The following CNTNAP3 variants were observed in gnomAD, a reference collection of about 807,000 sequenced individuals.
CNTNAP3 encodes contactin-associated protein-like 3.
CNTNAP3 carries 36 observed loss-of-function variants against 92.1 expected under a neutral mutation model. The observed-to-expected ratio is 0.39, with a 90% CI of 0.30 to 0.52. The LOEUF (loss-of-function observed/expected upper bound fraction) is 0.52, where lower values mean the gene tolerates loss of function less well. Ranked by LOEUF, CNTNAP3 falls within the 20% of genes least tolerant of loss-of-function variation. CNTNAP3 has a pLI of 0.76. For synonymous variants in CNTNAP3, 232 were observed against 422.3 expected (o/e 0.55, Z 5.53); for missense variants, 534 against 1,069.6 (o/e 0.50, Z 6.98).
intron 15 of CNTNAP3, chr9:39,106,638 G>A (rs1294483796): frequency 6.6e-6 from 1 of 152,160 alleles, no homozygotes; most frequent in African/African-American, 2.4e-5. Context: ...GAAGGTGAAT[G>A]ACATATCCTG....
At chr9:39,120,081 C>A (rs920719814) in intron 13 of CNTNAP3, among the ~76,000 whole-genome samples, 1 of 152,034 alleles carries the variant, frequency 6.6e-6, no homozygotes, top group African/African-American at 2.4e-5. Flanking sequence ...AAGACACAAA[C>A]CCAGAGATTT....
chr9:39,143,428 G>T (rs1821625693), intron 11 of CNTNAP3, among the ~76,000 whole-genome samples: 1 of 152,036 alleles, frequency 6.6e-6, no homozygotes, highest in Admixed American at 6.5e-5. Flanking sequence ...CCACCAATCA[G>T]GCATCCTGGA....
chr9:39,081,129 C>T (rs1825923140), intron 21 of CNTNAP3, among the ~76,000 whole-genome samples: 1 of 151,608 alleles, frequency 6.6e-6, no homozygotes, highest in South Asian at 2.1e-4. Context: ...CATTCCTTTG[C>T]CCACTCTGAA....
chr9:39,084,463 G>T (rs1356173466), intron 21 of CNTNAP3, among the ~76,000 whole-genome samples: 1 of 152,038 alleles, frequency 6.6e-6, no homozygotes, highest in African/African-American at 2.4e-5. Context: ...CAAAGTGCTG[G>T]GATTACAGGC....
At position 39,137,995 on chromosome 9, in the gene CNTNAP3, G is replaced by A. The variant is rs186114377; in HGVS notation, c.1876+2524C>T. On this transcript the variant is annotated intron_variant, in intron 12 of 23. Transcript: ENST00000297668. ...CCACCTCAGCCTCCCAAGTAGCTGG[G>A]ACTACAGATACATGTCACCATGCTG... Among the ~76,000 whole-genome samples, 11 of 151,694 alleles carry A rather than the reference G, an allele frequency of 7.3e-5. No homozygotes were observed. The East Asian group carries it at 1.9e-3, about 27-fold the overall frequency.
rs181242281 is a variant in CNTNAP3 at position 39,085,771 on chromosome 9, T to C, written c.3407A>G (p.Asn1136Ser). The C allele has an allele frequency of 9.6e-5, 150 of 1,568,846 alleles. 5 individuals carry two copies. Among genetic ancestry groups the C allele is most frequent in the Middle Eastern group, 4.6e-4 (2 of 4,326 alleles). The stretch of plus-strand genomic sequence containing the variant: ...TCCCAATATGAGAGATTTGACGGCG[T>C]TGAATTCTGTCCCTGAGGACAAGAT... ...QVILSSGTEFNAVKSLILGKV... is the reference protein window; with the variant it reads ...QVILSSGTEFSAVKSLILGKV... The change falls in exon 21 of 24, where the codon AAC becomes AGC. Residue 1136 changes from asparagine (N) to serine (S), a missense_variant. Asn to Ser is a conservative substitution (Grantham distance 46, BLOSUM62 1). Coordinates refer to ENST00000297668, the MANE Select transcript of CNTNAP3 (RefSeq NM_033655.5).
At chr9:39,075,669 T>G (rs1825743209) in intron 23 of CNTNAP3, among the ~76,000 whole-genome samples, 1 of 152,222 alleles carries the variant, frequency 6.6e-6, no homozygotes, top group Admixed American at 6.5e-5. Flanking sequence ...TTCCACTAGT[T>G]TCTTCCCATA....
Position 39,073,506 on chromosome 9 carries a change from T to A in CNTNAP3, c.*384A>T. The A allele has an allele frequency of 3.6e-6, 1 of 278,992 alleles. No individual in the cohort carries two copies. Among genetic ancestry groups the A allele is most frequent in the Non-Finnish European group, 6.8e-6 (1 of 147,326 alleles). 17.3% of individuals were successfully genotyped at this position (278,992 alleles called of 1,614,324 possible). A position where few individuals can be genotyped will look rare whatever the true frequency, so the allele number is the denominator to read the frequency against. On this transcript the variant is annotated 3_prime_UTR_variant, in exon 24 of 24. Coordinates refer to ENST00000297668, the MANE Select transcript of CNTNAP3 (RefSeq NM_033655.5). ...CAAAAGTTCTGTCATTTTTAAAAAATAAAGTAGGGCCACAGCTTTATAGCC... is the reference window on the plus strand; with the variant it reads ...CAAAAGTTCTGTCATTTTTAAAAAAAAAAGTAGGGCCACAGCTTTATAGCC...
intron 8 of CNTNAP3, among the ~76,000 whole-genome samples, chr9:39,170,392 C>T (rs1230775049): frequency 5.3e-5 from 6 of 112,688 alleles, no homozygotes; most frequent in Admixed American, 8.2e-5. Context: ...GCCTCTTCGT[C>T]TGTGCCTTTT....
At position 39,086,787 on chromosome 9, in the gene CNTNAP3, A is replaced by G. The variant is rs1246882878; in HGVS notation, c.3283T>C (p.Phe1095Leu). Residue 1095 changes from phenylalanine to leucine, a missense_variant, in exon 20 of 24, where the codon TTT (phenylalanine) becomes CTT (leucine). Transcript: ENST00000297668. ...AGTTGCCCATCAGCCATGTTTTTAA[A>G]ATCAAAGGTAAATGCATCAGGATTT... ...HQNPDAFTFD[F>L]KNMADGQLHQ... is the part of the protein sequence containing the mutation. 1 of 1,610,988 alleles carries G rather than the reference A, an allele frequency of 6.2e-7. No individual in the cohort carries two copies. Among genetic ancestry groups the G allele is most frequent in the African/African-American group, 1.3e-5 (1 of 74,564 alleles).
At chr9:39,131,826 G>T (rs1821301202) in intron 13 of CNTNAP3, among the ~76,000 whole-genome samples, 1 of 150,964 alleles carries the variant, frequency 6.6e-6, no homozygotes, top group African/African-American at 2.5e-5. Context: ...GCCAATCCAG[G>T]CAGAGGAAAT....
At chr9:39,108,705 C>T (rs544038106) in intron 15 of CNTNAP3, among the ~76,000 whole-genome samples, 9 of 151,942 alleles carry the variant, frequency 5.9e-5, no homozygotes, top group Non-Finnish European at 1.0e-4. Context: ...CACCCATGAA[C>T]GAAAATGCTG....
Position 39,078,475 on chromosome 9 carries a change from G to A in CNTNAP3, c.3674-19C>T, listed in dbSNP as rs1378686827. 8.7e-6 allele frequency: 14 copies of A among 1,611,982 alleles called. No homozygotes were observed. The Admixed American group carries it at 1.8e-4, about 21-fold the overall frequency. On this transcript the variant is annotated intron_variant, in intron 22 of 23. Coordinates refer to ENST00000297668, the MANE Select transcript of CNTNAP3 (RefSeq NM_033655.5). Reference sequence around the variant, plus strand: ...GAACGACCTACAACAGGGAAAGGGAGAATGATGTTTATTAGCTTGATTTAA... The same window carrying A: ...GAACGACCTACAACAGGGAAAGGGAAAATGATGTTTATTAGCTTGATTTAA...
chr9:39,119,104 C>G (rs1346809045), intron 13 of CNTNAP3, among the ~76,000 whole-genome samples: 2 of 152,012 alleles, frequency 1.3e-5, no homozygotes, highest in Non-Finnish European at 2.9e-5. Flanking sequence ...GGGTCAGGGG[C>G]CACAAGTTGC....
In CNTNAP3 at chr9:39,064,892, T is replaced by A. The variant is rs1825478465; in HGVS notation, c.*8998A>T. On this transcript the variant is annotated 3_prime_UTR_variant, in exon 24 of 24. Coordinates refer to ENST00000297668, the MANE Select transcript of CNTNAP3 (RefSeq NM_033655.5). The stretch of plus-strand genomic sequence containing the variant: ...ACAGCATCCTTTTCATCTTTTTCCA[T>A]TATGTAAATATGGTATGATAGAAAT... 6.6e-6 allele frequency among the ~76,000 whole-genome samples: 1 copy of A among 152,190 alleles called. No individual in the cohort carries two copies. The highest frequency in any genetic ancestry group is 2.4e-5 in the African/African-American group (1 of 41,482).
intron 18 of CNTNAP3, among the ~76,000 whole-genome samples, chr9:39,090,244 T>C (rs1332866289): frequency 2.0e-5 from 3 of 152,222 alleles, no homozygotes; most frequent in Non-Finnish European, 4.4e-5. Flanking sequence ...CAGCATCTTA[T>C]TCAGTTGTAA....
chr9:39,154,849 G>A, intron 9 of CNTNAP3: 1 of 225,788 alleles, frequency 4.4e-6, no homozygotes, highest in Non-Finnish European at 8.9e-6. Flanking sequence ...AGCACCTGCA[G>A]GGGCTGCGAG....
chr9:39,130,739 G>A (rs1431689161), intron 13 of CNTNAP3, among the ~76,000 whole-genome samples: 1 of 151,800 alleles, frequency 6.6e-6, no homozygotes, highest in Admixed American at 6.6e-5. Context: ...TCCTGACCTC[G>A]TGATCCGCCC....
intron 12 of CNTNAP3, 152 bp downstream of exon 12, chr9:39,140,367 A>C (rs1313736458): frequency 1.5e-6 from 2 of 1,294,344 alleles, no homozygotes; most frequent in Non-Finnish European, 2.0e-6. Context: ...AATACAAGAA[A>C]ATTTTGTTGA....
Sources: allele counts gnomAD v4.1 joint callset (sites outside exome capture counted in the v4.1 genomes callset), GRCh38; gene constraint gnomAD v4.1.1; transcripts MANE v1.5; gene names NCBI Gene and HGNC (gene_info 2026-07-23, HGNC 2026-07-21).